LILRA2: variants seen among roughly 807,000 people sequenced by gnomAD.
LILRA2 encodes the protein leukocyte immunoglobulin like receptor A2.
Under a neutral mutation model 47.9 loss-of-function variants are expected in LILRA2, and 45 were observed. The observed-to-expected ratio is 0.94, with a 90% CI of 0.74 to 1.20. The LOEUF (loss-of-function observed/expected upper bound fraction) is 1.20. LILRA2 is among the 50% of genes most tolerant of loss of function. LILRA2 has a pLI of 0.00. For synonymous variants in LILRA2, 279 were observed against 249.2 expected (o/e 1.12, Z -1.13); for missense variants, 651 against 598.2 (o/e 1.09, Z -0.92).
rs187308010 is a variant in LILRA2, at chr19:54,587,996, T to C, written c.*650T>C. 3.7e-3 allele frequency: 560 copies of C among 152,520 alleles called. No homozygotes were observed. In the South Asian group the frequency reaches 0.073, roughly 20 times the overall value. 9.4% of individuals were successfully genotyped at this position (152,520 alleles called of 1,614,324 possible). A position where few individuals can be genotyped will look rare whatever the true frequency, so the allele number is the denominator to read the frequency against. On this transcript the variant is annotated 3_prime_UTR_variant, in exon 8 of 8. Coordinates refer to ENST00000391738, the MANE Select transcript of LILRA2 (RefSeq NM_001130917.3). ...GACATCTCTAAAATACTGTAATTAG[T>C]GGTATCTACCAATTTCTGTGACATA...
chr19:54,578,975 G>A (rs1023054274), intron 6 of LILRA2, among the ~76,000 whole-genome samples: 2 of 141,642 alleles, frequency 1.4e-5, no homozygotes, highest in Non-Finnish European at 3.1e-5. Flanking sequence ...TTTTTTTTTT[G>A]TAAATGTGTT....
Position 54,581,835 on chromosome 19 carries a change from CA to C in LILRA2, c.1256-5169del, listed in dbSNP as rs748243111. Among the ~76,000 whole-genome samples, 84 of 149,110 alleles carry C rather than the reference CA, an allele frequency of 5.6e-4. 1 individual carries two copies. The highest frequency in any genetic ancestry group is 9.4e-4 in the Non-Finnish European group (64 of 67,852). ...AACTACTTTAAAGTTCATATGGAAC[CA>C]AAAAAGAGCCCGCATTGTGCCGGTT... On this transcript the variant is annotated intron_variant, in intron 6 of 7. Coordinates refer to ENST00000391738, the MANE Select transcript of LILRA2 (RefSeq NM_001130917.3).
Position 54,576,050 on chromosome 19 carries a change from T to G in LILRA2, c.1196T>G (p.Leu399Arg), listed in dbSNP as rs746763713. 1.2e-6 allele frequency: 2 copies of G among 1,613,830 alleles called. No individual in the cohort carries two copies. Among genetic ancestry groups the G allele is most frequent in the Non-Finnish European group, 8.5e-7 (1 of 1,179,920 alleles). Residue 399 changes from leucine (L) to arginine (R), a missense_variant, in exon 6 of 8, where the codon CTC (leucine) becomes CGC (arginine). Physicochemically the swap from Leu to Arg is moderately radical, Grantham distance 102 (BLOSUM62 -2). Transcript: ENST00000391738. ...GGGACCTACAGATGCTACAGCTCAC[T>G]CAGCTCCAACCCCTACCTGCTGTCT... is the stretch of plus-strand genomic sequence containing the variant. ...HVGTYRCYSSLSSNPYLLSLP... is the reference protein window; with the variant it reads ...HVGTYRCYSSRSSNPYLLSLP...
chr19:54,573,317 A>G, upstream of LILRA2: 1 of 621,626 alleles, frequency 1.6e-6, no homozygotes. Context: ...TGCCACACGC[A>G]GCTCAACCTG....
upstream of LILRA2, chr19:54,573,772 T>G (rs1047521915): frequency 5.3e-5 from 85 of 1,598,662 alleles, no homozygotes; most frequent in Non-Finnish European, 7.1e-5. Flanking sequence ...CAAAACCCCA[T>G]GACAAGAAGG....
In LILRA2 at chr19:54,590,168, G is replaced by C. The variant is rs1305058862; in HGVS notation, c.*2822G>C. The C allele has an allele frequency of 6.6e-6, 1 of 151,962 alleles. No individual in the cohort carries two copies. Among genetic ancestry groups the C allele is most frequent in the Non-Finnish European group, 1.5e-5 (1 of 68,014 alleles). 9.4% of individuals were successfully genotyped at this position (151,962 alleles called of 1,614,324 possible). A position where few individuals can be genotyped will look rare whatever the true frequency, so the allele number is the denominator to read the frequency against. On this transcript the variant is annotated 3_prime_UTR_variant, in exon 8 of 8. Transcript: ENST00000391738. ...TCATTCTGAAAGTGTGACACATAGA[G>C]ATATATCTGTTTCCTCTTCTCACTC...
chr19:54,588,086 C>T lies in LILRA2; in HGVS notation c.*740C>T, dbSNP rs960447579. 2 of 152,300 alleles carry T rather than the reference C, an allele frequency of 1.3e-5. No homozygotes were observed. The highest frequency in any genetic ancestry group is 4.8e-5 in the African/African-American group (2 of 41,432). The allele number at this position is 152,300 out of a possible 1,614,324, so 9.4% of individuals were successfully genotyped here. ...TCTCACTGAATACAGGGTTGGGAAG[C>T]AAGGGACAGAACTGTCTTCACTAAT... On this transcript the variant is annotated 3_prime_UTR_variant, in exon 8 of 8. Coordinates refer to ENST00000391738, the MANE Select transcript of LILRA2 (RefSeq NM_001130917.3).
At position 54,589,053 on chromosome 19, in the gene LILRA2, C is replaced by T. The variant is rs879291262; in HGVS notation, c.*1707C>T. The T allele has an allele frequency of 1.3e-5, 2 of 152,172 alleles. No individual in the cohort carries two copies. Among genetic ancestry groups the T allele is most frequent in the Non-Finnish European group, 2.9e-5 (2 of 68,048 alleles). The allele number at this position is 152,172 out of a possible 1,614,324, so 9.4% of individuals were successfully genotyped here. ...GGCAGCATCCCACCAGTTTCTGCCT[C>T]CATCTTCTCAATGCTTACACCTACC... On this transcript the variant is annotated 3_prime_UTR_variant, in exon 8 of 8. Transcript: ENST00000391738.
intron 6 of LILRA2, among the ~76,000 whole-genome samples, chr19:54,582,137 GGT>G (rs2062657935): frequency 6.6e-6 from 1 of 152,200 alleles, no homozygotes. Context: ...ACTTGGTCAT[GGT>G]GGGTAAGCTT....
At chr19:54,575,713 A>G in intron 5 of LILRA2, 94 bp from the exon 6 acceptor site, 5 of 1,588,972 alleles carry the variant, frequency 3.1e-6, no homozygotes, top group South Asian at 1.1e-5. Context: ...GAGAAAACAG[A>G]GACAGAGAGA....
chr19:54,573,444 C>T, upstream of LILRA2: 2 of 1,081,652 alleles, frequency 1.8e-6, no homozygotes, highest in Non-Finnish European at 2.8e-6. Context: ...TGGTAAGGAC[C>T]CCGCAACGCT....
In LILRA2 at chr19:54,590,199, T is replaced by C. The variant is rs762970283; in HGVS notation, c.*2853T>C. 8 of 152,198 alleles carry C rather than the reference T, an allele frequency of 5.3e-5. No homozygotes were observed. The highest frequency in any genetic ancestry group is 8.8e-5 in the Non-Finnish European group (6 of 68,044). The allele number at this position is 152,198 out of a possible 1,614,324, so 9.4% of individuals were successfully genotyped here. A position where few individuals can be genotyped will look rare whatever the true frequency, so the allele number is the denominator to read the frequency against. ...TCTGTTTCCTCTTCTCACTCTATTCTTTGTGTGCATTAATTATCTTTTCTA... is the reference window on the plus strand; with the variant it reads ...TCTGTTTCCTCTTCTCACTCTATTCCTTGTGTGCATTAATTATCTTTTCTA... On this transcript the variant is annotated 3_prime_UTR_variant, in exon 8 of 8. Transcript: ENST00000391738.
At position 54,574,435 on chromosome 19, in the gene LILRA2, T is replaced by C; in HGVS notation, c.205T>C (p.Trp69Arg). 1 of 1,614,084 alleles carries C rather than the reference T, an allele frequency of 6.2e-7. No individual in the cohort carries two copies. The highest frequency in any genetic ancestry group is 8.5e-7 in the Non-Finnish European group (1 of 1,179,984). Residue 69 changes from tryptophan to arginine, a missense_variant, in exon 3 of 8, where the codon TGG (tryptophan) becomes CGG (arginine). By Grantham distance (101) the Trp-to-Arg change is moderately radical. Transcript: ENST00000391738. ...ATATAGGGAAAACAAATCAGCATCCTGGGTTAGACGGATACAAGAGCCTGG... is the reference window on the plus strand; with the variant it reads ...ATATAGGGAAAACAAATCAGCATCCCGGGTTAGACGGATACAAGAGCCTGG... ...HLYRENKSASWVRRIQEPGKN... is the reference protein window; with the variant it reads ...HLYRENKSASRVRRIQEPGKN...
intron 6 of LILRA2, among the ~76,000 whole-genome samples, chr19:54,579,783 A>T (rs972497507): frequency 1.3e-5 from 2 of 151,994 alleles, no homozygotes; most frequent in African/African-American, 4.8e-5. Flanking sequence ...CTTTTAATTC[A>T]TTGAGCAGTG....
At chr19:54,578,581 A>G (rs772492707) in intron 6 of LILRA2, among the ~76,000 whole-genome samples, 1 of 152,234 alleles carries the variant, frequency 6.6e-6, no homozygotes, top group African/African-American at 2.4e-5. Flanking sequence ...CACAGTAAAC[A>G]TATGTGTGCA....
At chr19:54,576,564 G>A (rs1460846769) in intron 6 of LILRA2, among the ~76,000 whole-genome samples, 1 of 152,106 alleles carries the variant, frequency 6.6e-6, no homozygotes, top group East Asian at 1.9e-4. Flanking sequence ...GGCAGCAGCG[G>A]GGAGGGTGGA....
rs188698230 is a variant in LILRA2, at chr19:54,576,875, C to G, written c.1255+766C>G. Among the ~76,000 whole-genome samples, 268 of 151,786 alleles carry G rather than the reference C, an allele frequency of 1.8e-3. No homozygotes were observed. The South Asian group carries it at 0.038, about 22-fold the overall frequency. ...GGGAGGTGGAACTTCTGAAAGAGCC[C>G]ATTCCCCTTGCACCCTGGACTCCTC... On this transcript the variant is annotated intron_variant, in intron 6 of 7. Transcript: ENST00000391738.
At position 54,574,320 on chromosome 19, in the gene LILRA2, C is replaced by T. The variant is rs775627259; in HGVS notation, c.90C>T (p.Thr30=). The change falls in exon 3 of 8, where the codon ACC becomes ACT. Residue 30 remains threonine, a synonymous_variant. Coordinates refer to ENST00000391738, the MANE Select transcript of LILRA2 (RefSeq NM_001130917.3). ...HVQAGHLPKP[T]LWAEPGSVII... ...TTCCAGGGCACCTCCCCAAGCCCACCCTCTGGGCTGAGCCAGGCTCTGTGA... is the reference window on the plus strand; with the variant it reads ...TTCCAGGGCACCTCCCCAAGCCCACTCTCTGGGCTGAGCCAGGCTCTGTGA... 1 of 1,614,108 alleles carries T rather than the reference C, an allele frequency of 6.2e-7. No individual in the cohort carries two copies. The highest frequency in any genetic ancestry group is 1.3e-5 in the African/African-American group (1 of 74,952).
intron 6 of LILRA2, among the ~76,000 whole-genome samples, chr19:54,585,684 C>T (rs1445459436): frequency 2.0e-5 from 3 of 152,194 alleles, no homozygotes; most frequent in Admixed American, 6.5e-5. Context: ...ACTGTTTCTC[C>T]GGATACAGTC....
Sources: allele counts gnomAD v4.1 joint callset (sites outside exome capture counted in the v4.1 genomes callset), GRCh38; gene constraint gnomAD v4.1.1; transcripts MANE v1.5; gene names NCBI Gene and HGNC (gene_info 2026-07-23, HGNC 2026-07-21).